DBH: variants seen among roughly 807,000 people sequenced by gnomAD.
The protein encoded by DBH is dopamine beta-hydroxylase, also known as dopamine beta-hydroxylase (dopamine beta-monooxygenase).
DBH carries 49 observed loss-of-function variants against 64.0 expected under a neutral mutation model. The observed-to-expected ratio is 0.77, with a 90% CI of 0.61 to 0.97. The LOEUF (loss-of-function observed/expected upper bound fraction) is 0.97, where lower values mean the gene tolerates loss of function less well. Among genes scored for constraint, DBH ranks in the 50% least tolerant of loss-of-function variants. DBH has a pLI of 0.00. For missense variants in DBH, 828 were observed against 826.6 expected, an observed-to-expected ratio of 1.00 and a Z score of -0.02; for synonymous variants, 343 against 347.1, an observed-to-expected ratio of 0.99 and a Z score of 0.13.
rs200197329 is a variant in DBH, at chr9:133,657,242, G to T, written c.1722+13G>T. The T allele has an allele frequency of 4.0e-5, 64 of 1,613,334 alleles. No individual in the cohort carries two copies. The East Asian group carries it at 1.0e-3, about 25-fold the overall frequency. On this transcript the variant is annotated intron_variant, in intron 11 of 11. Coordinates refer to ENST00000393056, the MANE Select transcript of DBH (RefSeq NM_000787.4). The stretch of plus-strand genomic sequence containing the variant: ...CGTCCGCTTCCAGGTGCGCTGCCAT[G>T]GGCCCGGGTGGGGCATGCAGTCAGG...
Position 133,646,906 on chromosome 9 carries a change from G to A in DBH, c.1025-940G>A, listed in dbSNP as rs374307003. 1.1e-4 allele frequency among the ~76,000 whole-genome samples: 16 copies of A among 152,280 alleles called. No homozygotes were observed. The East Asian group carries it at 2.7e-3, about 26-fold the overall frequency. ...TTCAGGGACTCTCCAATTAGCAAAC[G>A]GCAAGGAGAACTAACAGGTGTGGCC... On this transcript the variant is annotated intron_variant, in intron 5 of 11. Transcript: ENST00000393056.
Position 133,651,748 on chromosome 9 carries a change from C to A in DBH, c.1306C>A (p.Gln436Lys), listed in dbSNP as rs1394304259. Reference sequence around the variant, plus strand: ...CGGCCGGGAGTGGGAGATCGTGAACCAGGACAATCACTACAGCCCTCACTT... The same window carrying A: ...CGGCCGGGAGTGGGAGATCGTGAACAAGGACAATCACTACAGCCCTCACTT... ...RDGREWEIVNQDNHYSPHFQE... is the reference protein window; with the variant it reads ...RDGREWEIVNKDNHYSPHFQE... The change falls in exon 7 of 12, where the codon CAG becomes AAG. Residue 436 changes from glutamine to lysine, a missense_variant. Coordinates refer to ENST00000393056, the MANE Select transcript of DBH (RefSeq NM_000787.4). The A allele has an allele frequency of 6.2e-7, 1 of 1,612,534 alleles. No homozygotes were observed. Among genetic ancestry groups the A allele is most frequent in the East Asian group, 2.2e-5 (1 of 44,800 alleles).
At chr9:133,642,497 C>A in intron 3 of DBH, 33 bp downstream of exon 3, 1 of 1,578,286 alleles carries the variant, frequency 6.3e-7, no homozygotes, top group South Asian at 1.2e-5. Context: ...GGTCCTCGCC[C>A]AGCCCTGCCT....
intron 11 of DBH, chr9:133,657,435 A>T: frequency 7.8e-6 from 3 of 383,402 alleles, no homozygotes; most frequent in Non-Finnish European, 1.4e-5. Context: ...GAGAGAGAGG[A>T]GAGAGAGGAG....
At chr9:133,657,384 A>T in intron 11 of DBH, 155 bp downstream of exon 11, 1 of 661,334 alleles carries the variant, frequency 1.5e-6, no homozygotes, top group Non-Finnish European at 2.5e-6. Flanking sequence ...AGGCCTAGAC[A>T]GCCAGCCAGC....
chr9:133,654,957 G>C (rs896863421), intron 9 of DBH: 1 of 152,332 alleles, frequency 6.6e-6, no homozygotes, highest in Non-Finnish European at 1.5e-5. Flanking sequence ...GGATGGGAGG[G>C]TCTTGCCGGG....
chr9:133,657,283 G>A (rs1564215567), intron 11 of DBH, 54 bp downstream of exon 11: 7 of 1,607,010 alleles, frequency 4.4e-6, no homozygotes, highest in African/African-American at 2.7e-5. Flanking sequence ...CTCATGGGGG[G>A]CCCCAGTGAG....
chr9:133,648,656 C>G (rs138303139), intron 6 of DBH, among the ~76,000 whole-genome samples: 2 of 152,218 alleles, frequency 1.3e-5, no homozygotes, highest in Admixed American at 6.5e-5. Context: ...AGGGAGCACC[C>G]GTCCTCAGGG....
rs983543957 is a variant in DBH, at chr9:133,637,889, A to G, written c.339+1179A>G. Among the ~76,000 whole-genome samples the G allele has an allele frequency of 6.6e-5, 10 of 150,708 alleles. No homozygotes were observed. The East Asian group carries it at 1.5e-3, about 23-fold the overall frequency. On this transcript the variant is annotated intron_variant, in intron 1 of 11. Transcript: ENST00000393056. ...TAGGGCTGCACAGATTCCTGTGCAC[A>G]AAGACACTCTGTGGCTCAGGTTCCA...
chr9:133,643,503 T>A lies in DBH; in HGVS notation c.835T>A (p.Phe279Ile). ...CAPEMDSVPH[F>I]SGPCDSKMKP... Reference sequence around the variant, plus strand: ...CCCCGAGATGGACAGCGTCCCCCACTTCAGCGGGCCCTGCGACTCCAAGAT... The same window carrying A: ...CCCCGAGATGGACAGCGTCCCCCACATCAGCGGGCCCTGCGACTCCAAGAT... The change falls in exon 4 of 12, where the codon TTC (phenylalanine) becomes ATC (isoleucine). Residue 279 changes from phenylalanine to isoleucine, a missense_variant. By Grantham distance (21) the Phe-to-Ile change is conservative. Coordinates refer to ENST00000393056, the MANE Select transcript of DBH (RefSeq NM_000787.4). This position sits in a 1 kb window ranked among gnomAD's most constrained non-coding sequence, Gnocchi z 5.3. 6.2e-7 allele frequency: 1 copy of A among 1,612,590 alleles called. No homozygotes were observed. The highest frequency in any genetic ancestry group is 2.2e-5 in the East Asian group (1 of 44,768).
At chr9:133,658,274 G>T in intron 11 of DBH, 42 bp from the exon 12 acceptor site, 10 of 1,611,664 alleles carry the variant, frequency 6.2e-6, no homozygotes, top group Non-Finnish European at 8.5e-6. Flanking sequence ...CACCCATCTT[G>T]CCCCTCCAGC....
intron 5 of DBH, among the ~76,000 whole-genome samples, chr9:133,646,864 A>G (rs573650637): frequency 2.0e-5 from 3 of 152,290 alleles, no homozygotes; most frequent in South Asian, 4.1e-4. Context: ...GACCACTGGG[A>G]GGCTGGCCCA....
In DBH at chr9:133,642,459, A is replaced by G. The variant is rs1459189000; in HGVS notation, c.739A>G (p.Ile247Val). The G allele has an allele frequency of 6.2e-7, 1 of 1,608,804 alleles. No homozygotes were observed. The highest frequency in any genetic ancestry group is 8.5e-7 in the Non-Finnish European group (1 of 1,177,752). ...AAAGGGCTTCTCTCGGCACCACATT[A>G]TCAAGGTACGTGCGGGTCCAGGGCC... ...LPKGFSRHHI[I>V]KYEPIVTKGN... The change falls in exon 3 of 12, where the codon ATC becomes GTC. Residue 247 changes from isoleucine (I) to valine (V), a missense_variant. Physicochemically the swap from Ile to Val is conservative, Grantham distance 29. Coordinates refer to ENST00000393056, the MANE Select transcript of DBH (RefSeq NM_000787.4).
chr9:133,652,197 A>T (rs1237102362), intron 7 of DBH, 49 bp from the exon 8 acceptor site: 1 of 1,611,018 alleles, frequency 6.2e-7, no homozygotes, highest in Non-Finnish European at 8.5e-7. Context: ...TCTGGTCTGC[A>T]GCTCTCTGAG....
rs1378955986 is a variant in DBH at position 133,643,071 on chromosome 9, G to A, written c.745-342G>A. Among the ~76,000 whole-genome samples, 1 of 152,182 alleles carries A rather than the reference G, an allele frequency of 6.6e-6. No homozygotes were observed. Among genetic ancestry groups the A allele is most frequent in the Non-Finnish European group, 1.5e-5 (1 of 68,038 alleles). On this transcript the variant is annotated intron_variant, in intron 3 of 11. Transcript: ENST00000393056. The surrounding 1 kb of genome is among the most constrained non-coding windows in gnomAD (Gnocchi z 5.3). ...CAGCAGGAAGAGGCATGGCCTTGAA[G>A]GTGCGCTTTGGGCCCGGGCTCTAAC...
At chr9:133,656,009 G>T in intron 9 of DBH, 1 of 226,930 alleles carries the variant, frequency 4.4e-6, no homozygotes, top group Non-Finnish European at 8.9e-6. Context: ...GTCTTATAGA[G>T]TCCCTGCTCC....
At chr9:133,646,130 T>C (rs1832178039) in intron 5 of DBH, among the ~76,000 whole-genome samples, 2 of 152,214 alleles carry the variant, frequency 1.3e-5, no homozygotes, top group Admixed American at 1.3e-4. Flanking sequence ...GCCCATTAAT[T>C]TTTTTCTTGT....
intron 5 of DBH, among the ~76,000 whole-genome samples, chr9:133,645,239 TG>T (rs1832169126): frequency 1.8e-5 from 2 of 112,804 alleles, no homozygotes; most frequent in Admixed American, 1.6e-4. Context: ...CAGTCGCCTG[TG>T]GTTTTTTTTT....
At chr9:133,651,828 C>T (rs879348653) in intron 7 of DBH, 51 bp downstream of exon 7, 93 of 1,486,700 alleles carry the variant, frequency 6.3e-5, no homozygotes, top group Non-Finnish European at 8.1e-5. Context: ...TGCCACCACA[C>T]GACCTCCTGG....
Sources: gnomAD v4.1 joint callset for allele counts (sites outside exome capture counted in the v4.1 genomes callset) on GRCh38, gnomAD v4.1.1 for gene constraint, Gnocchi (gnomAD v3.1) non-coding constraint, MANE v1.5 for transcripts, NCBI Gene and HGNC (gene_info 2026-07-23, HGNC 2026-07-21) for gene names.